Variants in ABHD17B observed in about 807,000 individuals in gnomAD.
ABHD17B encodes alpha/beta hydrolase domain-containing protein 17B.
A neutral mutation model predicts 26.2 loss-of-function variants in ABHD17B; 9 were observed. The observed-to-expected ratio is 0.34, with a 90% CI of 0.21 to 0.60. The LOEUF (loss-of-function observed/expected upper bound fraction) is 0.60. Ranked by LOEUF, ABHD17B falls within the 20% of genes least tolerant of loss-of-function variation. The pLI is 0.80. For synonymous variants in ABHD17B, 127 were observed against 122.3 expected (o/e 1.04, Z -0.25); for missense variants, 224 against 352.1 (o/e 0.64, Z 2.91).
At chr9:71,907,430 A>G (rs553893723) in intron 1 of ABHD17B, among the ~76,000 whole-genome samples, 1 of 152,212 alleles carries the variant, frequency 6.6e-6, no homozygotes, top group African/African-American at 2.4e-5. Context: ...ATGCATGTCA[A>G]CTTTGGGTCA....
In ABHD17B at chr9:71,870,116, G is replaced by A; in HGVS notation, c.614C>T (p.Thr205Ile). Residue 205 changes from threonine (T) to isoleucine (I), a missense_variant, in exon 3 of 4, where the codon ACC becomes ATC. Transcript: ENST00000333421. ...TGCATCAAAACAGTAGGTCTTCTTG[G>A]TATCAGGAAAGGCAACTCGCATTCC... ...TSGMRVAFPD[T>I]KKTYCFDAFP... 2 of 1,613,386 alleles carry A rather than the reference G, an allele frequency of 1.2e-6. No individual in the cohort carries two copies. The highest frequency in any genetic ancestry group is 1.7e-6 in the Non-Finnish European group (2 of 1,179,794).
At chr9:71,877,544 AG>A (rs1189285635) in intron 1 of ABHD17B, among the ~76,000 whole-genome samples, 10 of 152,266 alleles carry the variant, frequency 6.6e-5, no homozygotes, top group African/African-American at 2.2e-4. Flanking sequence ...CAGCCTCCCC[AG>A]TAGCTGGGAT....
At chr9:71,869,148 C>T (rs576732671) in intron 3 of ABHD17B, among the ~76,000 whole-genome samples, 2 of 152,268 alleles carry the variant, frequency 1.3e-5, no homozygotes, top group South Asian at 2.1e-4. Context: ...AATGCCTATA[C>T]CCACATTACC....
chr9:71,893,898 G>C (rs979903582), intron 1 of ABHD17B, among the ~76,000 whole-genome samples: 4 of 152,020 alleles, frequency 2.6e-5, no homozygotes, highest in African/African-American at 9.7e-5. Flanking sequence ...GATCATCCTG[G>C]CTAACATGGT....
At chr9:71,887,598 G>A (rs1002128392) in intron 1 of ABHD17B, among the ~76,000 whole-genome samples, 1 of 152,196 alleles carries the variant, frequency 6.6e-6, no homozygotes, top group African/African-American at 2.4e-5. Flanking sequence ...AAGTTACACA[G>A]CATAGTATGA....
At chr9:71,862,524 A>G (rs1397639190), downstream of ABHD17B, 3 of 1,556,286 alleles carry the variant, frequency 1.9e-6, no homozygotes, top group African/African-American at 4.1e-5. Flanking sequence ...AAGTTTGGTA[A>G]AGAGAAGATA....
intron 1 of ABHD17B, among the ~76,000 whole-genome samples, chr9:71,907,477 A>T (rs1199144482): frequency 1.3e-5 from 2 of 152,152 alleles, no homozygotes; most frequent in Non-Finnish European, 2.9e-5. Context: ...AACAGCATTT[A>T]AGAGAGGTAT....
At chr9:71,865,082 G>A (rs148337217), downstream of ABHD17B, 245 of 884,386 alleles carry the variant, frequency 2.8e-4, 5 homozygotes, top group East Asian at 0.018. Context: ...CTATAAAAAC[G>A]AAGGGTAATT....
intron 1 of ABHD17B, among the ~76,000 whole-genome samples, chr9:71,880,174 AG>A: frequency 6.6e-6 from 1 of 152,212 alleles, no homozygotes; most frequent in Admixed American, 6.5e-5. Flanking sequence ...AGAACTTCAA[AG>A]GGAAATCAAA....
chr9:71,895,111 T>A (rs556056612), intron 1 of ABHD17B, among the ~76,000 whole-genome samples: 1 of 152,336 alleles, frequency 6.6e-6, no homozygotes, highest in East Asian at 1.9e-4. Context: ...CTTTGCTAGG[T>A]TAGAAAAGCC....
At chr9:71,896,434 G>A (rs903129949) in intron 1 of ABHD17B, among the ~76,000 whole-genome samples, 4 of 152,160 alleles carry the variant, frequency 2.6e-5, no homozygotes, top group African/African-American at 9.7e-5. Flanking sequence ...TCCAGTGGGG[G>A]TTCAAGAGAA....
At chr9:71,905,689 A>G (rs2132214566) in intron 1 of ABHD17B, among the ~76,000 whole-genome samples, 1 of 152,306 alleles carries the variant, frequency 6.6e-6, no homozygotes, top group East Asian at 1.9e-4. Flanking sequence ...GGGCACTACT[A>G]AATAGAGGCC....
rs1408792990 is a variant in ABHD17B, at chr9:71,865,860, C to A, written c.*927G>T. 1.0e-6 allele frequency: 1 copy of A among 983,260 alleles called. No homozygotes were observed. The highest frequency in any genetic ancestry group is 1.2e-6 in the Non-Finnish European group (1 of 828,300). 60.9% of individuals were successfully genotyped at this position (983,260 alleles called of 1,614,324 possible). A position where few individuals can be genotyped will look rare whatever the true frequency, so the allele number is the denominator to read the frequency against. ...TCAGTGACACAGCAAGACTCCATCT[C>A]AAAAAATGAAAAAAATAGCCAAAGT... On this transcript the variant is annotated 3_prime_UTR_variant, in exon 4 of 4. Coordinates refer to ENST00000333421, the MANE Select transcript of ABHD17B (RefSeq NM_001025780.3).
chr9:71,875,656 A>C (rs1826252480), intron 1 of ABHD17B, among the ~76,000 whole-genome samples: 1 of 152,214 alleles, frequency 6.6e-6, no homozygotes, highest in Non-Finnish European at 1.5e-5. Flanking sequence ...TAAATGTCAA[A>C]AATGATAAAG....
chr9:71,864,211 T>A (rs970970439), downstream of ABHD17B, among the ~76,000 whole-genome samples: 3 of 96,674 alleles, frequency 3.1e-5, no homozygotes, highest in Non-Finnish European at 6.3e-5. Flanking sequence ...AGGCCAAACT[T>A]TCTTTTTTTT....
intron 2 of ABHD17B, 107 bp downstream of exon 2, chr9:71,874,507 C>T (rs1016596359): frequency 3.7e-6 from 3 of 817,212 alleles, no homozygotes; most frequent in Non-Finnish European, 5.6e-6. Context: ...AATATAACCT[C>T]TATATAGCAG....
At chr9:71,883,554 A>T (rs1284630248) in intron 1 of ABHD17B, among the ~76,000 whole-genome samples, 1 of 152,228 alleles carries the variant, frequency 6.6e-6, no homozygotes, top group Non-Finnish European at 1.5e-5. Flanking sequence ...CAGATCACAG[A>T]CTTAAAGAGC....
rs981317347 is a variant in ABHD17B, at chr9:71,865,418, G to A, written c.*1369C>T. Reference sequence around the variant, plus strand: ...TTCAGACAGGGTTCATTCAAGGAAAGGCAACTTAGTTTTTGTATGTGTGAG... The same window carrying A: ...TTCAGACAGGGTTCATTCAAGGAAAAGCAACTTAGTTTTTGTATGTGTGAG... On this transcript the variant is annotated 3_prime_UTR_variant, in exon 4 of 4. Transcript: ENST00000333421. 3 of 984,244 alleles carry A rather than the reference G, an allele frequency of 3.0e-6. No homozygotes were observed. Among genetic ancestry groups the A allele is most frequent in the Admixed American group, 6.2e-5 (1 of 16,244 alleles). 61.0% of individuals were successfully genotyped at this position (984,244 alleles called of 1,614,324 possible).
At chr9:71,872,481 A>ACAGAACACTG (rs1353680258) in intron 2 of ABHD17B, among the ~76,000 whole-genome samples, 2 of 152,316 alleles carry the variant, frequency 1.3e-5, no homozygotes, top group East Asian at 3.8e-4. Flanking sequence ...TCATATAGAC[A>ACAGAACACTG]CAGAACACTG....
Sources: allele counts gnomAD v4.1 joint callset (sites outside exome capture counted in the v4.1 genomes callset), GRCh38; gene constraint gnomAD v4.1.1; transcripts MANE v1.5; gene names NCBI Gene and HGNC (gene_info 2026-07-23, HGNC 2026-07-21).